The following SDC2 variants were observed in gnomAD, a reference collection of about 807,000 sequenced individuals.
SDC2 encodes syndecan 2.
SDC2 carries 13 observed loss-of-function variants against 22.2 expected under a neutral mutation model. That is an observed-to-expected ratio of 0.59 (90% CI 0.38 to 0.93). The LOEUF (loss-of-function observed/expected upper bound fraction) is 0.93. Among genes scored for constraint, SDC2 ranks in the 40% least tolerant of loss-of-function variants. The pLI, the probability that SDC2 is intolerant of heterozygous loss-of-function variation, is 0.00. For synonymous variants in SDC2, 94 were observed against 92.8 expected (o/e 1.01, Z -0.07); for missense variants, 235 against 246.8 (o/e 0.95, Z 0.32).
At chr8:96,507,379 G>A (rs1413207416) in intron 1 of SDC2, among the ~76,000 whole-genome samples, 1 of 152,164 alleles carries the variant, frequency 6.6e-6, no homozygotes, top group African/African-American at 2.4e-5. Context: ...TACATTTTAC[G>A]TTATACATTT....
At chr8:96,590,372 G>A (rs570822943) in intron 1 of SDC2, among the ~76,000 whole-genome samples, 2 of 152,310 alleles carry the variant, frequency 1.3e-5, no homozygotes, top group Admixed American at 1.3e-4. Context: ...CAGCGTCTCG[G>A]TCCCATTGAG....
intron 1 of SDC2, among the ~76,000 whole-genome samples, chr8:96,573,007 C>T (rs1346072374): frequency 6.6e-6 from 1 of 152,158 alleles, no homozygotes; most frequent in Non-Finnish European, 1.5e-5. Flanking sequence ...GTGTGACCTC[C>T]CCAGAGCTGG....
chr8:96,576,443 G>A (rs1209692206), intron 1 of SDC2, among the ~76,000 whole-genome samples: 5 of 6,492 alleles, frequency 7.7e-4, no homozygotes, highest in Non-Finnish European at 3.0e-3. Flanking sequence ...TTTTTGAGAC[G>A]GAGTCTCGCT....
intron 1 of SDC2, among the ~76,000 whole-genome samples, chr8:96,558,539 G>C (rs1814157536): frequency 6.6e-6 from 1 of 152,150 alleles, no homozygotes; most frequent in Non-Finnish European, 1.5e-5. Flanking sequence ...AGAAATATTT[G>C]TTGAATAAAT....
chr8:96,570,750 A>G (rs910934540), intron 1 of SDC2, among the ~76,000 whole-genome samples: 4 of 152,238 alleles, frequency 2.6e-5, no homozygotes, highest in African/African-American at 9.6e-5. Context: ...TACATTGATT[A>G]TATTTTAAGT....
intron 1 of SDC2, among the ~76,000 whole-genome samples, chr8:96,521,787 G>A (rs144100937): frequency 4.1e-4 from 62 of 152,230 alleles, no homozygotes; most frequent in East Asian, 2.1e-3. Context: ...AAATCCAAGC[G>A]TATCACTAAA....
chr8:96,524,091 G>T (rs1813539573), intron 1 of SDC2, among the ~76,000 whole-genome samples: 1 of 152,208 alleles, frequency 6.6e-6, no homozygotes, highest in African/African-American at 2.4e-5. Context: ...AGATATTTCA[G>T]TACTTGCGTT....
chr8:96,494,456 G>A, intron 1 of SDC2, 125 bp downstream of exon 1: 1 of 844,554 alleles, frequency 1.2e-6, no homozygotes, highest in Non-Finnish European at 1.8e-6. Context: ...CCGGAGATCC[G>A]CTGGGACAAA....
chr8:96,506,175 A>G (rs1326787910), intron 1 of SDC2, among the ~76,000 whole-genome samples: 1 of 152,182 alleles, frequency 6.6e-6, no homozygotes, highest in African/African-American at 2.4e-5. Context: ...CTTGATTTTC[A>G]TATGTTTCTC....
chr8:96,555,356 T>C (rs889680156), intron 1 of SDC2, among the ~76,000 whole-genome samples: 1 of 152,146 alleles, frequency 6.6e-6, no homozygotes, highest in Non-Finnish European at 1.5e-5. Context: ...TTTGAACAAA[T>C]TAGGAATCCT....
In SDC2 at chr8:96,611,165, C is replaced by G. The variant is rs1225824151; in HGVS notation, c.*1617C>G. The G allele has an allele frequency of 5.2e-5, 8 of 152,522 alleles. No individual in the cohort carries two copies. In the East Asian group the frequency reaches 1.5e-3, roughly 29 times the overall value. The allele number at this position is 152,522 out of a possible 1,614,324, so 9.4% of individuals were successfully genotyped here. A position where few individuals can be genotyped will look rare whatever the true frequency, so the allele number is the denominator to read the frequency against. ...GCTCTGTGTGTTAAAATGAGGGTCT[C>G]ACTGCTTTAGGATTGAAGTGGCTGG... On this transcript the variant is annotated 3_prime_UTR_variant, in exon 5 of 5. Transcript: ENST00000302190.
chr8:96,549,206 A>G (rs901097708), intron 1 of SDC2, among the ~76,000 whole-genome samples: 8 of 152,232 alleles, frequency 5.3e-5, no homozygotes, highest in African/African-American at 1.9e-4. Context: ...TTATTTAAAA[A>G]CAATTTTGAA....
At chr8:96,579,120 G>A (rs959368560) in intron 1 of SDC2, among the ~76,000 whole-genome samples, 3 of 152,162 alleles carry the variant, frequency 2.0e-5, no homozygotes, top group Admixed American at 6.5e-5. Flanking sequence ...TTTCATTCAC[G>A]TGGTAGGTGC....
At chr8:96,550,163 G>C (rs539404637) in intron 1 of SDC2, among the ~76,000 whole-genome samples, 11 of 152,238 alleles carry the variant, frequency 7.2e-5, no homozygotes, top group Admixed American at 2.6e-4. Flanking sequence ...ATGAAAACAG[G>C]GTGGTTTTCC....
At chr8:96,542,746 G>C (rs1813871998) in intron 1 of SDC2, among the ~76,000 whole-genome samples, 1 of 152,012 alleles carries the variant, frequency 6.6e-6, no homozygotes, top group South Asian at 2.1e-4. Flanking sequence ...TTCTAGTTCA[G>C]CTTATTAAAT....
At chr8:96,609,269 T>A in intron 4 of SDC2, 116 bp from the exon 5 acceptor site, 1 of 784,594 alleles carries the variant, frequency 1.3e-6, no homozygotes, top group Non-Finnish European at 1.9e-6. Flanking sequence ...TTTTTTTTAT[T>A]GGGGTTTTCA....
chr8:96,529,606 T>C (rs1367478678), intron 1 of SDC2, among the ~76,000 whole-genome samples: 1 of 152,202 alleles, frequency 6.6e-6, no homozygotes, highest in East Asian at 1.9e-4. Context: ...GCTCAGTGCT[T>C]ACTTTCAAGG....
intron 1 of SDC2, among the ~76,000 whole-genome samples, chr8:96,559,837 G>A (rs1814178753): frequency 6.6e-6 from 1 of 152,136 alleles, no homozygotes; most frequent in Admixed American, 6.5e-5. Flanking sequence ...ACTTCCTAAT[G>A]TGAAATGAAT....
intron 1 of SDC2, among the ~76,000 whole-genome samples, chr8:96,498,058 C>T (rs1420712584): frequency 6.6e-6 from 1 of 152,180 alleles, no homozygotes. Context: ...TGTGACAGTA[C>T]TATCATTTTC....
Sources: gnomAD v4.1 joint callset for allele counts (sites outside exome capture counted in the v4.1 genomes callset) on GRCh38, gnomAD v4.1.1 for gene constraint, MANE v1.5 for transcripts, NCBI Gene and HGNC (gene_info 2026-07-23, HGNC 2026-07-21) for gene names.